RFFL: variants seen among roughly 807,000 people sequenced by gnomAD.
RFFL encodes the protein ring finger and FYVE like domain containing E3 ubiquitin protein ligase.
A neutral mutation model predicts 40.4 loss-of-function variants in RFFL; 16 were observed. That is an observed-to-expected ratio of 0.40 (90% CI 0.27 to 0.60). RFFL has a LOEUF of 0.60. RFFL is among the 20% of genes least tolerant of loss of function. The pLI, the probability that RFFL is intolerant of heterozygous loss-of-function variation, is 0.47. For synonymous variants in RFFL, 154 were observed against 167.9 expected (o/e 0.92, Z 0.64); for missense variants, 367 against 451.7 (o/e 0.81, Z 1.70).
At chr17:35,046,293 A>G (rs1567709745) in intron 1 of RFFL, among the ~76,000 whole-genome samples, 1 of 152,326 alleles carries the variant, frequency 6.6e-6, no homozygotes, top group East Asian at 1.9e-4. Flanking sequence ...GAAGGCTTCA[A>G]TGCCTTCACT....
At chr17:35,031,278 T>C (rs1239428384) in intron 1 of RFFL, among the ~76,000 whole-genome samples, 1 of 151,912 alleles carries the variant, frequency 6.6e-6, no homozygotes, top group Non-Finnish European at 1.5e-5. Context: ...GGCTAATTTT[T>C]GTATTTTTAG....
At chr17:35,044,174 G>A (rs530029386) in intron 1 of RFFL, among the ~76,000 whole-genome samples, 3 of 152,240 alleles carry the variant, frequency 2.0e-5, no homozygotes, top group African/African-American at 7.2e-5. Flanking sequence ...CTGTAGCCTT[G>A]AGCGATCGTC....
intron 1 of RFFL, among the ~76,000 whole-genome samples, chr17:35,044,588 T>C (rs576324355): frequency 1.3e-5 from 2 of 152,176 alleles, no homozygotes; most frequent in Non-Finnish European, 2.9e-5. Context: ...CAGTCCAGCC[T>C]GGGAGACAGA....
upstream of RFFL, among the ~76,000 whole-genome samples, chr17:35,066,005 A>G (rs770158704): frequency 1.9e-3 from 293 of 151,982 alleles, 1 homozygote; most frequent in Non-Finnish European, 3.8e-3. Flanking sequence ...TACACCTCTA[A>G]CCCCAGCTAC....
intron 1 of RFFL, among the ~76,000 whole-genome samples, chr17:35,050,168 C>G (rs550809730): frequency 1.2e-4 from 18 of 151,850 alleles, no homozygotes; most frequent in African/African-American, 4.3e-4. Flanking sequence ...ATCACTTGAG[C>G]CTGGGAGATC....
intron 2 of RFFL, among the ~76,000 whole-genome samples, chr17:35,023,812 A>C (rs772828817): frequency 4.6e-5 from 7 of 152,232 alleles, no homozygotes; most frequent in Non-Finnish European, 7.3e-5. Context: ...CAGAATGCAG[A>C]CAACAACCTA....
intron 1 of RFFL, among the ~76,000 whole-genome samples, chr17:35,079,443 A>T (rs1385573974): frequency 6.6e-6 from 1 of 152,240 alleles, no homozygotes; most frequent in Non-Finnish European, 1.5e-5. Flanking sequence ...AAACCTAATT[A>T]GATAGTAATT....
chr17:35,073,561 T>A (rs538120884), intron 1 of RFFL, among the ~76,000 whole-genome samples: 1 of 152,342 alleles, frequency 6.6e-6, no homozygotes, highest in Non-Finnish European at 1.5e-5. Flanking sequence ...ACTTCATATG[T>A]AGTGAAGGCA....
At chr17:35,071,731 T>A (rs192919997) in intron 1 of RFFL, among the ~76,000 whole-genome samples, 107 of 152,344 alleles carry the variant, frequency 7.0e-4, no homozygotes, top group Non-Finnish European at 1.2e-3. Context: ...CTAAAACTTG[T>A]GTCCATACAA....
intron 1 of RFFL, among the ~76,000 whole-genome samples, chr17:35,062,595 G>A (rs2091298608): frequency 1.3e-5 from 2 of 152,162 alleles, no homozygotes; most frequent in Non-Finnish European, 2.9e-5. Flanking sequence ...CTCAACCCTG[G>A]TAAGTAAGAA....
chr17:35,017,924 A>G (rs1413254129), intron 3 of RFFL, among the ~76,000 whole-genome samples: 1 of 152,176 alleles, frequency 6.6e-6, no homozygotes, highest in Non-Finnish European at 1.5e-5. Flanking sequence ...AGGGAAGGTC[A>G]TTGTGTCCAT....
At position 35,011,826 on chromosome 17, in the gene RFFL, G is replaced by A. The variant is rs2090940473; in HGVS notation, c.*142C>T. 1 of 757,474 alleles carries A rather than the reference G, an allele frequency of 1.3e-6. No homozygotes were observed. The highest frequency in any genetic ancestry group is 2.5e-5 in the Admixed American group (1 of 40,720). The allele number at this position is 757,474 out of a possible 1,614,324, so 46.9% of individuals were successfully genotyped here. A position where few individuals can be genotyped will look rare whatever the true frequency, so the allele number is the denominator to read the frequency against. On this transcript the variant is annotated 3_prime_UTR_variant, in exon 7 of 7. Transcript: ENST00000394597. ...CCCTGGGAAGACAGGCATGCTCAGGGGTGACATGGCATCTTGCTTGACCTG... is the reference window on the plus strand; with the variant it reads ...CCCTGGGAAGACAGGCATGCTCAGGAGTGACATGGCATCTTGCTTGACCTG...
At chr17:35,056,789 G>A (rs1456438468) in intron 1 of RFFL, among the ~76,000 whole-genome samples, 1 of 152,130 alleles carries the variant, frequency 6.6e-6, no homozygotes, top group South Asian at 2.1e-4. Flanking sequence ...TTCCTTACTG[G>A]TCCCTTCTTT....
At chr17:35,050,904 G>A (rs1339830550) in intron 1 of RFFL, among the ~76,000 whole-genome samples, 4 of 152,128 alleles carry the variant, frequency 2.6e-5, no homozygotes, top group East Asian at 3.9e-4. Context: ...CCTGGGAGGC[G>A]GAGGTTGTGG....
chr17:35,060,878 GA>G (rs147797063), intron 1 of RFFL, among the ~76,000 whole-genome samples: 1,532 of 152,292 alleles, frequency 0.01, 22 homozygotes, highest in African/African-American at 0.035. Flanking sequence ...TCTAGTGGAA[GA>G]GACAGACAGT....
At chr17:35,039,959 G>A (rs2091152995) in intron 1 of RFFL, among the ~76,000 whole-genome samples, 1 of 152,112 alleles carries the variant, frequency 6.6e-6, no homozygotes, top group African/African-American at 2.4e-5. Context: ...ACAGGCATGA[G>A]CCACCGCATC....
At chr17:35,078,664 T>C (rs17605406) in intron 1 of RFFL, among the ~76,000 whole-genome samples, 14,285 of 152,268 alleles carry the variant, frequency 0.094, 911 homozygotes, top group Non-Finnish European at 0.14. Context: ...ATTTCCATTT[T>C]TCCCCATCTT....
At position 35,007,416 on chromosome 17, in the gene RFFL, T is replaced by C. The variant is rs2090903055; in HGVS notation, c.*4552A>G. The C allele has an allele frequency of 6.6e-6, 1 of 152,250 alleles. No homozygotes were observed. The highest frequency in any genetic ancestry group is 2.4e-5 in the African/African-American group (1 of 41,456). The allele number at this position is 152,250 out of a possible 1,614,324, so 9.4% of individuals were successfully genotyped here. A position where few individuals can be genotyped will look rare whatever the true frequency, so the allele number is the denominator to read the frequency against. ...CAGCCCTCAACATCATCATCATAAA[T>C]CTCTCCAGCAGAATGCTGGAGGCCT... On this transcript the variant is annotated 3_prime_UTR_variant, in exon 7 of 7. Coordinates refer to ENST00000394597, the MANE Select transcript of RFFL (RefSeq NM_001017368.2).
rs1404402326 is a variant in RFFL at position 35,016,450 on chromosome 17, T to A, written c.806A>T (p.Tyr269Phe). The A allele has an allele frequency of 6.2e-7, 1 of 1,614,074 alleles. No homozygotes were observed. Residue 269 changes from tyrosine to phenylalanine, a missense_variant, in exon 5 of 7, where the codon TAC becomes TTC. By Grantham distance (22) the Tyr-to-Phe change is conservative. Transcript: ENST00000394597. Reference protein sequence around the residue: ...KEILARNFVNYKGCCEKWELM... With the variant: ...KEILARNFVNFKGCCEKWELM... ...CTCCCACTTCTCACAGCAGCCCTTGTAGTTGACAAAGTTGCGAGCCAAGAT... is the reference window on the plus strand; with the variant it reads ...CTCCCACTTCTCACAGCAGCCCTTGAAGTTGACAAAGTTGCGAGCCAAGAT...
Sources: allele counts gnomAD v4.1 joint callset (sites outside exome capture counted in the v4.1 genomes callset), GRCh38; gene constraint gnomAD v4.1.1; transcripts MANE v1.5; gene names NCBI Gene and HGNC (gene_info 2026-07-23, HGNC 2026-07-21).